Variants in SIAE observed in about 807,000 individuals in gnomAD.
The protein encoded by SIAE is sialic acid acetylesterase, also known as sialate O-acetylesterase.
A neutral mutation model predicts 52.6 loss-of-function variants in SIAE; 39 were observed. That is an observed-to-expected ratio of 0.74 (90% CI 0.57 to 0.97). SIAE has a LOEUF of 0.97. SIAE is among the 50% of genes least tolerant of loss of function. The pLI, the probability that SIAE is intolerant of heterozygous loss-of-function variation, is 0.00. For missense variants in SIAE, 592 were observed against 662.1 expected (o/e 0.89, Z 1.16); for synonymous variants, 233 against 241.4 (o/e 0.97, Z 0.32).
At position 124,636,819 on chromosome 11, in the gene SIAE, G is replaced by T; in HGVS notation, c.*132C>A. 1 of 1,281,374 alleles carries T rather than the reference G, an allele frequency of 7.8e-7. No homozygotes were observed. 79.4% of individuals were successfully genotyped at this position (1,281,374 alleles called of 1,614,324 possible). On this transcript the variant is annotated 3_prime_UTR_variant, in exon 10 of 10. Coordinates refer to ENST00000263593, the MANE Select transcript of SIAE (RefSeq NM_170601.5). The stretch of plus-strand genomic sequence containing the variant: ...CTCATCAGAATATAGAAACAGCCAT[G>T]TGCTAGCTGAAAGCCATTCAATGAG...
upstream of SIAE, chr11:124,674,349 C>G (rs534131308): frequency 1.3e-5 from 2 of 152,320 alleles, no homozygotes; most frequent in South Asian, 4.1e-4. Flanking sequence ...GCCAGAGACC[C>G]CCTCTCAAAG....
At chr11:124,658,253 C>T (rs1220424074) in intron 3 of SIAE, among the ~76,000 whole-genome samples, 2 of 150,644 alleles carry the variant, frequency 1.3e-5, no homozygotes, top group Admixed American at 6.6e-5. Context: ...CACACACACA[C>T]ACACACACAG....
chr11:124,641,938 C>G (rs1942853561), intron 7 of SIAE, among the ~76,000 whole-genome samples: 1 of 124,600 alleles, frequency 8.0e-6, no homozygotes, highest in African/African-American at 3.0e-5. Context: ...CCAGCCTGGG[C>G]AACCGGGCAA....
chr11:124,650,282 T>C (rs1942999328), intron 4 of SIAE, among the ~76,000 whole-genome samples: 1 of 152,138 alleles, frequency 6.6e-6, no homozygotes, highest in Non-Finnish European at 1.5e-5. Context: ...GACTCTCGGA[T>C]AATCAATGCT....
chr11:124,638,003 C>T (rs569894104), intron 9 of SIAE, among the ~76,000 whole-genome samples: 4 of 152,206 alleles, frequency 2.6e-5, no homozygotes, highest in Admixed American at 6.5e-5. Context: ...ATATCGAAGA[C>T]TCCTGAATAA....
chr11:124,661,064 T>C (rs994958603), intron 2 of SIAE, among the ~76,000 whole-genome samples: 3 of 152,162 alleles, frequency 2.0e-5, no homozygotes, highest in Admixed American at 1.3e-4. Context: ...TAAATGAGGA[T>C]AGACAAAAAT....
intron 7 of SIAE, among the ~76,000 whole-genome samples, chr11:124,642,819 G>A (rs1942869717): frequency 1.3e-5 from 2 of 152,212 alleles, no homozygotes; most frequent in Admixed American, 1.3e-4. Flanking sequence ...GTATCATGGT[G>A]AGCCTGACCT....
chr11:124,637,054 T>C lies in SIAE; in HGVS notation c.1469A>G (p.Lys490Arg), dbSNP rs868845854. Reference sequence around the variant, plus strand: ...ACTGGGGTGGTATAGGGGACACTGCTTATATTCACAAGGCCACGTGGTCCA... The same window carrying C: ...ACTGGGGTGGTATAGGGGACACTGCCTATATTCACAAGGCCACGTGGTCCA... The part of the protein sequence containing the change: ...YAWTTWPCEY[K>R]QCPLYHPSSA... The change falls in exon 10 of 10, where the codon AAG (lysine) becomes AGG (arginine). Residue 490 changes from lysine (K) to arginine (R), a missense_variant. Physicochemically the swap from Lys to Arg is conservative, Grantham distance 26 (BLOSUM62 2). Coordinates refer to ENST00000263593, the MANE Select transcript of SIAE (RefSeq NM_170601.5). 6.2e-7 allele frequency: 1 copy of C among 1,614,138 alleles called. No individual in the cohort carries two copies. The highest frequency in any genetic ancestry group is 1.1e-5 in the South Asian group (1 of 91,084).
chr11:124,654,876 C>G, intron 3 of SIAE, 83 bp from the exon 4 acceptor site: 1 of 1,523,776 alleles, frequency 6.6e-7, no homozygotes, highest in Non-Finnish European at 9.1e-7. Flanking sequence ...GTCCTCTGAG[C>G]TCCTGAGCTT....
intron 3 of SIAE, among the ~76,000 whole-genome samples, chr11:124,658,291 G>T (rs963683932): frequency 1.3e-5 from 2 of 151,508 alleles, no homozygotes; most frequent in Non-Finnish European, 2.9e-5. Context: ...TTACTTAAAA[G>T]AATTTGGAAA....
chr11:124,661,439 T>C (rs976605452), intron 2 of SIAE, among the ~76,000 whole-genome samples: 1 of 152,174 alleles, frequency 6.6e-6, no homozygotes, highest in Non-Finnish European at 1.5e-5. Context: ...ATTTGCCCAA[T>C]TAATTATTTT....
intron 7 of SIAE, among the ~76,000 whole-genome samples, chr11:124,641,769 G>A (rs555728393): frequency 3.5e-4 from 53 of 152,116 alleles, no homozygotes; most frequent in African/African-American, 1.3e-3. Context: ...GACCAGCCTG[G>A]CCAAAATGAT....
intron 7 of SIAE, among the ~76,000 whole-genome samples, chr11:124,641,489 T>C (rs1942845181): frequency 6.6e-6 from 1 of 152,232 alleles, no homozygotes; most frequent in South Asian, 2.1e-4. Flanking sequence ...ATAAAGAACC[T>C]CTGTAGAGGT....
At chr11:124,660,951 G>A in intron 2 of SIAE, 148 bp from the exon 3 acceptor site, 1 of 806,744 alleles carries the variant, frequency 1.2e-6, no homozygotes, top group South Asian at 1.5e-5. Context: ...TAAGAGGATA[G>A]AACTAACACG....
At chr11:124,654,862 A>G (rs543532907) in intron 3 of SIAE, 69 bp from the exon 4 acceptor site, 1 of 1,582,240 alleles carries the variant, frequency 6.3e-7, no homozygotes, top group Admixed American at 1.7e-5. Flanking sequence ...CTTAGTAAAC[A>G]TCAGTCCTCT....
intron 1 of SIAE, among the ~76,000 whole-genome samples, chr11:124,672,683 G>A (rs973039930): frequency 6.6e-6 from 1 of 152,178 alleles, no homozygotes; most frequent in Non-Finnish European, 1.5e-5. Context: ...ACTGAGTGGA[G>A]ATAAGAGTCA....
In SIAE at chr11:124,662,004, A is replaced by G. The variant is rs183505898; in HGVS notation, c.230-1201T>C. 8.5e-5 allele frequency among the ~76,000 whole-genome samples: 13 copies of G among 152,316 alleles called. 1 individual carries two copies. Among genetic ancestry groups the G allele is most frequent in the South Asian group, 4.1e-4 (2 of 4,826 alleles). On this transcript the variant is annotated intron_variant, in intron 2 of 9. Coordinates refer to ENST00000263593, the MANE Select transcript of SIAE (RefSeq NM_170601.5). ...ACAACAGGTGACTAATAAAAACTCA[A>G]TTCATAAAGGATTTCTCAGAGTCCT...
chr11:124,664,418 T>C (rs1251943166), intron 2 of SIAE, among the ~76,000 whole-genome samples: 1 of 152,080 alleles, frequency 6.6e-6, no homozygotes, highest in African/African-American at 2.4e-5. Context: ...TGTATTTTAG[T>C]AGAGACGAGG....
intron 7 of SIAE, among the ~76,000 whole-genome samples, chr11:124,642,539 T>C (rs966001073): frequency 1.3e-5 from 2 of 151,864 alleles, no homozygotes; most frequent in African/African-American, 4.8e-5. Flanking sequence ...AGTGTCAGAG[T>C]TGAATGAAGA....
Sources: allele counts gnomAD v4.1 joint callset (sites outside exome capture counted in the v4.1 genomes callset), GRCh38; gene constraint gnomAD v4.1.1; transcripts MANE v1.5; gene names NCBI Gene and HGNC (gene_info 2026-07-23, HGNC 2026-07-21).